The following PADI1 variants were observed in gnomAD, a reference collection of about 807,000 sequenced individuals.
PADI1 encodes protein-arginine deiminase type-1.
PADI1 carries 65 observed loss-of-function variants against 74.8 expected under a neutral mutation model. That is an observed-to-expected ratio of 0.87 (90% CI 0.71 to 1.07). The LOEUF (loss-of-function observed/expected upper bound fraction) is 1.07, where lower values mean the gene tolerates loss of function less well. PADI1 is among the 50% of genes least tolerant of loss of function. PADI1 has a pLI of 0.00. For synonymous variants in PADI1, 371 were observed against 336.2 expected, an observed-to-expected ratio of 1.10 and a Z score of -1.13; for missense variants, 943 against 854.0, an observed-to-expected ratio of 1.10 and a Z score of -1.30.
rs141489083 is a variant in PADI1, at chr1:17,233,810, C to T, written c.1313+840C>T. Among the ~76,000 whole-genome samples, 16 of 152,388 alleles carry T rather than the reference C, an allele frequency of 1.0e-4. No homozygotes were observed. The East Asian group carries it at 3.1e-3, about 29-fold the overall frequency. ...TCAGGCAGTGCTGAGAAGGTCACAGCCTCACCTGGTGAATCTGGCAGCCTC... is the reference window on the plus strand; with the variant it reads ...TCAGGCAGTGCTGAGAAGGTCACAGTCTCACCTGGTGAATCTGGCAGCCTC... On this transcript the variant is annotated intron_variant, in intron 11 of 15. Transcript: ENST00000375471.
chr1:17,229,147 A>G (rs2072415612), intron 8 of PADI1, 96 bp downstream of exon 8: 1 of 781,726 alleles, frequency 1.3e-6, no homozygotes, highest in Admixed American at 2.3e-5. Context: ...ACACCGACGG[A>G]TTCATTGCGG....
intron 7 of PADI1, 22 bp from the exon 8 acceptor site, chr1:17,228,926 C>G: frequency 6.3e-7 from 1 of 1,580,764 alleles, no homozygotes; most frequent in East Asian, 2.3e-5. Context: ...CAGGGCCCAC[C>G]AAGTCCTCAT....
intron 1 of PADI1, among the ~76,000 whole-genome samples, chr1:17,218,655 G>A (rs1242406767): frequency 1.3e-5 from 2 of 152,238 alleles, no homozygotes; most frequent in African/African-American, 4.8e-5. Flanking sequence ...GGTTGCAGAC[G>A]CAAAGAGAAG....
In PADI1 at chr1:17,240,761, G is replaced by T. The variant is rs147936983; in HGVS notation, c.1758+1G>T. Reference sequence around the variant, plus strand: ...CGCGGAAGCCTTCTTCCCAGACATGGTGAGAGCCCTTGTGCAGGGTCCTGC... The same window carrying T: ...CGCGGAAGCCTTCTTCCCAGACATGTTGAGAGCCCTTGTGCAGGGTCCTGC... On this transcript the variant is annotated splice_donor_variant, in intron 15 of 15. Coordinates refer to ENST00000375471, the MANE Select transcript of PADI1 (RefSeq NM_013358.3). LOFTEE classifies it high-confidence loss of function. 19 of 1,613,520 alleles carry T rather than the reference G, an allele frequency of 1.2e-5. No homozygotes were observed. The highest frequency in any genetic ancestry group is 1.5e-5 in the Non-Finnish European group (18 of 1,179,690).
intron 1 of PADI1, 67 bp from the exon 2 acceptor site, chr1:17,222,223 C>T (rs1251286719): frequency 2.5e-6 from 3 of 1,217,458 alleles, no homozygotes; most frequent in Non-Finnish European, 3.6e-6. Context: ...GCCCCCACCC[C>T]ACTGTGGCCA....
intron 1 of PADI1, among the ~76,000 whole-genome samples, chr1:17,218,100 A>G (rs2072028749): frequency 6.6e-6 from 1 of 152,214 alleles, no homozygotes; most frequent in African/African-American, 2.4e-5. Context: ...GTGACAATAA[A>G]CTTATGGAGG....
chr1:17,206,338 C>A (rs4376784), intron 1 of PADI1, among the ~76,000 whole-genome samples: 1 of 152,148 alleles, frequency 6.6e-6, no homozygotes. Context: ...ATCCTCTGCT[C>A]GAGAAGCCCT....
chr1:17,230,503 TG>T, intron 9 of PADI1, 68 bp from the exon 10 acceptor site: 1 of 1,100,730 alleles, frequency 9.1e-7, no homozygotes, highest in Non-Finnish European at 1.3e-6. Context: ...CCAGGCCTGG[TG>T]GGGACCACCC....
At chr1:17,224,497 T>A in intron 4 of PADI1, 69 bp downstream of exon 4, 1 of 1,171,570 alleles carries the variant, frequency 8.5e-7, no homozygotes, top group South Asian at 1.3e-5. Flanking sequence ...CCGGGTGGAT[T>A]GTGCCCTCCC....
At chr1:17,239,493 T>C (rs2072726399) in intron 13 of PADI1, 3 of 533,368 alleles carry the variant, frequency 5.6e-6, no homozygotes, top group South Asian at 2.4e-5. Context: ...CAGAGTCACT[T>C]CCTGAGGGGT....
rs1199219126 is a variant in PADI1 at position 17,226,163 on chromosome 1, G to A, written c.652+5G>A. The A allele has an allele frequency of 4.3e-6, 7 of 1,613,884 alleles. No individual in the cohort carries two copies. Among genetic ancestry groups the A allele is most frequent in the South Asian group, 1.1e-5 (1 of 91,046 alleles). On this transcript the variant is annotated splice_donor_5th_base_variant and intron_variant, in intron 6 of 15. Coordinates refer to ENST00000375471, the MANE Select transcript of PADI1 (RefSeq NM_013358.3). ...TGAGGGTCTTCTGTGCCAGGGGTGAGTGGCCTGATGGGGCCTTTTCCTCCC... is the reference window on the plus strand; with the variant it reads ...TGAGGGTCTTCTGTGCCAGGGGTGAATGGCCTGATGGGGCCTTTTCCTCCC...
chr1:17,239,674 G>A lies in PADI1; in HGVS notation c.1553-30G>A. On this transcript the variant is annotated intron_variant, in intron 13 of 15. Coordinates refer to ENST00000375471, the MANE Select transcript of PADI1 (RefSeq NM_013358.3). The stretch of plus-strand genomic sequence containing the variant: ...AGACGGCCTCCAGGCAGTGCTCCCT[G>A]AGCTATGTACTGTCTTTCTCTTCTT... 2.6e-6 allele frequency: 4 copies of A among 1,565,896 alleles called. 1 individual carries two copies. The highest frequency in any genetic ancestry group is 3.5e-6 in the Non-Finnish European group (4 of 1,136,294).
At position 17,211,729 on chromosome 1, in the gene PADI1, G is replaced by C. The variant is rs550127037; in HGVS notation, c.92+6420G>C. 1.5e-3 allele frequency among the ~76,000 whole-genome samples: 226 copies of C among 152,346 alleles called. 1 individual carries two copies. Among genetic ancestry groups the C allele is most frequent in the African/African-American group, 5.0e-3 (208 of 41,584 alleles). On this transcript the variant is annotated intron_variant, in intron 1 of 15. Transcript: ENST00000375471. ...GTAAGTGAGGGGTGAAGTGAAGGCA[G>C]GGCAGCAGATGAGCTTTGGAATCAG...
At chr1:17,213,189 A>ATGAGGGAAAAGGAG (rs11267550) in intron 1 of PADI1, among the ~76,000 whole-genome samples, 1 of 151,912 alleles carries the variant, frequency 6.6e-6, no homozygotes, top group African/African-American at 2.4e-5. Context: ...GTAATCTCCT[A>ATGAGGGAAAAGGAG]CCAGGCTGGT....
chr1:17,228,488 C>T (rs1324015583), intron 6 of PADI1, 137 bp from the exon 7 acceptor site: 2 of 795,704 alleles, frequency 2.5e-6, no homozygotes, highest in African/African-American at 1.7e-5. Context: ...TGAGCTAAGG[C>T]CATGCAGCTT....
intron 15 of PADI1, 136 bp from the exon 16 acceptor site, chr1:17,243,874 A>G: frequency 1.6e-6 from 1 of 626,546 alleles, no homozygotes; most frequent in East Asian, 2.8e-5. Context: ...AGCAAACTCC[A>G]GTCCTAGAGC....
At chr1:17,210,772 GC>G (rs1557447839) in intron 1 of PADI1, among the ~76,000 whole-genome samples, 1 of 152,210 alleles carries the variant, frequency 6.6e-6, no homozygotes, top group African/African-American at 2.4e-5. Context: ...GCCCCAGCCA[GC>G]CCCGGGGAGA....
At chr1:17,211,844 G>A (rs2071840983) in intron 1 of PADI1, among the ~76,000 whole-genome samples, 1 of 152,228 alleles carries the variant, frequency 6.6e-6, no homozygotes, top group African/African-American at 2.4e-5. Flanking sequence ...ATGGGGAGAA[G>A]AATAATCACT....
At chr1:17,213,508 T>A (rs1286875730) in intron 1 of PADI1, among the ~76,000 whole-genome samples, 1 of 152,228 alleles carries the variant, frequency 6.6e-6, no homozygotes, top group East Asian at 1.9e-4. Context: ...TGGCGATGTA[T>A]TTTCCTACTT....
Sources: gnomAD v4.1 joint callset for allele counts (sites outside exome capture counted in the v4.1 genomes callset) on GRCh38, gnomAD v4.1.1 for gene constraint, MANE v1.5 for transcripts, NCBI Gene and HGNC (gene_info 2026-07-23, HGNC 2026-07-21) for gene names.